The following FBN1 variants were observed in gnomAD, a reference collection of about 807,000 sequenced individuals.
FBN1 encodes fibrillin-1.
A neutral mutation model predicts 365.1 loss-of-function variants in FBN1; 29 were observed. That is an observed-to-expected ratio of 0.08 (90% confidence interval 0.06 to 0.11). The LOEUF (loss-of-function observed/expected upper bound fraction) is 0.11. Ranked by LOEUF, FBN1 falls within the 10% of genes least tolerant of loss-of-function variation. FBN1 has a pLI of 1.00. For synonymous variants in FBN1, 1,210 were observed against 1,270.5 expected (o/e 0.95, Z 1.01); for missense variants, 2,476 against 3,703.2 (o/e 0.67, Z 8.60).
At chr15:48,520,614 A>G in intron 10 of FBN1, 45 bp downstream of exon 10, 1 of 1,609,822 alleles carries the variant, frequency 6.2e-7, no homozygotes, top group Non-Finnish European at 8.5e-7. Flanking sequence ...TGGGCTTGTG[A>G]GGGCTGGGAT....
intron 12 of FBN1, among the ~76,000 whole-genome samples, chr15:48,514,391 C>G (rs2043785120): frequency 6.6e-6 from 1 of 152,140 alleles, no homozygotes; most frequent in Admixed American, 6.5e-5. Flanking sequence ...TGGATGACCT[C>G]TAGAAGGGGT....
At chr15:48,465,494 A>G (rs2141269451) in intron 40 of FBN1, 74 bp downstream of exon 40, 11 of 1,544,896 alleles carry the variant, frequency 7.1e-6, no homozygotes, top group Non-Finnish European at 9.8e-6. Flanking sequence ...CTATTTTCCT[A>G]GTAACCATAT....
At chr15:48,462,272 T>C (rs920151043) in intron 42 of FBN1, among the ~76,000 whole-genome samples, 2 of 152,182 alleles carry the variant, frequency 1.3e-5, no homozygotes, top group Admixed American at 1.3e-4. Context: ...CATCATCATA[T>C]ACATAATGCA....
At position 48,462,983 on chromosome 15, in the gene FBN1, C is replaced by A. The variant is rs775504860; in HGVS notation, c.5224+99G>T. On this transcript the variant is annotated intron_variant, in intron 42 of 65. Coordinates refer to ENST00000316623, the MANE Select transcript of FBN1 (RefSeq NM_000138.5). The stretch of plus-strand genomic sequence containing the variant: ...CCGTTTTTTTCCCTGTAAAGATAAA[C>A]AATGCACACTTTGCTTCCTTCGCTA... 1,369 of 1,178,714 alleles carry A rather than the reference C, an allele frequency of 1.2e-3. 16 individuals are homozygous for A. Among genetic ancestry groups the A allele is most frequent in the Non-Finnish European group, 2.1e-4 (163 of 792,968 alleles). 73.0% of individuals were successfully genotyped at this position (1,178,714 alleles called of 1,614,324 possible). A position where few individuals can be genotyped will look rare whatever the true frequency, so the allele number is the denominator to read the frequency against.
At chr15:48,641,707 G>A (rs1890201561) in intron 2 of FBN1, 1 of 152,156 alleles carries the variant, frequency 6.6e-6, no homozygotes, top group African/African-American at 2.4e-5. Context: ...TCAAAGAGGT[G>A]AGTTTTGAAG....
chr15:48,644,719 T>C lies in FBN1; in HGVS notation c.51A>G (p.Leu17=). The change falls in exon 2 of 66, where the codon TTA becomes TTG. Residue 17 remains leucine, a synonymous_variant. Coordinates refer to ENST00000316623, the MANE Select transcript of FBN1 (RefSeq NM_000138.5). ...LEIALGFTVL[L]ASYTSHGADA... ...CCGCCCCATGGCTCGTGTAGGACGC[T>C]AAAAGCACGGTAAATCCCAGGGCGA... The C allele has an allele frequency of 6.2e-7, 1 of 1,614,024 alleles. No homozygotes were observed. Among genetic ancestry groups the C allele is most frequent in the South Asian group, 1.1e-5 (1 of 91,086 alleles).
intron 35 of FBN1, among the ~76,000 whole-genome samples, chr15:48,471,618 C>T (rs946247994): frequency 6.6e-6 from 1 of 152,210 alleles, no homozygotes; most frequent in African/African-American, 2.4e-5. Flanking sequence ...CCCAACGGTT[C>T]CATAACAAAG....
chr15:48,631,769 T>C (rs1158423072), intron 2 of FBN1, among the ~76,000 whole-genome samples: 2 of 152,188 alleles, frequency 1.3e-5, no homozygotes, highest in African/African-American at 4.8e-5. Flanking sequence ...GGCTACCCAA[T>C]TATAACCAAA....
chr15:48,433,379 G>T (rs1566894935), intron 54 of FBN1, among the ~76,000 whole-genome samples: 1 of 152,084 alleles, frequency 6.6e-6, no homozygotes, highest in Non-Finnish European at 1.5e-5. Context: ...AATCAGTTTT[G>T]CCCCATTCCG....
chr15:48,577,482 G>C (rs1435536971), intron 6 of FBN1, among the ~76,000 whole-genome samples: 2 of 151,988 alleles, frequency 1.3e-5, no homozygotes, highest in East Asian at 1.9e-4. Context: ...TAATTCCAAG[G>C]GGGGGCATTC....
intron 36 of FBN1, 99 bp downstream of exon 36, chr15:48,470,535 T>C: frequency 1.3e-6 from 2 of 1,534,780 alleles, no homozygotes; most frequent in South Asian, 1.1e-5. Context: ...TTGCTTTTCT[T>C]GTCTTCTGTG....
chr15:48,468,583 C>T, intron 36 of FBN1, 49 bp from the exon 37 acceptor site: 1 of 1,608,512 alleles, frequency 6.2e-7, no homozygotes, highest in Non-Finnish European at 8.5e-7. Context: ...CCAGTGTAGG[C>T]AGACATCACC....
At chr15:48,525,596 G>A (rs2043904058) in intron 9 of FBN1, among the ~76,000 whole-genome samples, 1 of 152,156 alleles carries the variant, frequency 6.6e-6, no homozygotes, top group South Asian at 2.1e-4. Context: ...AACACTTGAA[G>A]GATCCACTGG....
chr15:48,511,219 T>C (rs1220200673), intron 13 of FBN1, among the ~76,000 whole-genome samples: 1 of 152,214 alleles, frequency 6.6e-6, no homozygotes, highest in Admixed American at 6.5e-5. Context: ...GGCCCTCAGA[T>C]GCACTTTCTT....
At position 48,589,639 on chromosome 15, in the gene FBN1, C is replaced by T. The variant is rs554235065; in HGVS notation, c.538+6644G>A. On this transcript the variant is annotated intron_variant, in intron 6 of 65. Coordinates refer to ENST00000316623, the MANE Select transcript of FBN1 (RefSeq NM_000138.5). ...TTTTTTTTTTTTTTTTTTGAGATGG[C>T]GTCTCGCTCTGTCGCCCAGGCTGGA... Among the ~76,000 whole-genome samples the T allele has an allele frequency of 1.4e-4, 16 of 114,884 alleles. No individual in the cohort carries two copies. The East Asian group carries it at 2.4e-3, about 17-fold the overall frequency. The allele number at this position is 114,884 out of a possible 152,430, so 75.4% of individuals were successfully genotyped here.
chr15:48,620,770 A>G (rs750038882), intron 2 of FBN1, among the ~76,000 whole-genome samples: 4 of 152,188 alleles, frequency 2.6e-5, no homozygotes, highest in Non-Finnish European at 4.4e-5. Flanking sequence ...ACTGTGTTAG[A>G]TAAGAAATAA....
intron 6 of FBN1, among the ~76,000 whole-genome samples, chr15:48,545,716 T>G (rs2044088768): frequency 6.6e-6 from 1 of 152,190 alleles, no homozygotes; most frequent in South Asian, 2.1e-4. Context: ...TTATGTATAC[T>G]TTAACACAAT....
At position 48,550,341 on chromosome 15, in the gene FBN1, C is replaced by A. The variant is rs73394246; in HGVS notation, c.539-12533G>T. ...CATTAGACTTGCTCCTCCCACACTT[C>A]TTATTTTGGGAAAGGGCATCACCAC... On this transcript the variant is annotated intron_variant, in intron 6 of 65. Transcript: ENST00000316623. 6.1e-3 allele frequency among the ~76,000 whole-genome samples: 922 copies of A among 152,226 alleles called. 9 individuals carry two copies. The highest frequency in any genetic ancestry group is 0.022 in the African/African-American group (900 of 41,542).
intron 25 of FBN1, among the ~76,000 whole-genome samples, 155 bp downstream of exon 25, chr15:48,489,696 C>CA (rs1351724097): frequency 3.3e-5 from 5 of 151,962 alleles, no homozygotes; most frequent in Non-Finnish European, 7.4e-5. Flanking sequence ...CAGTTAAAAA[C>CA]AAAAAGTTCA....
Sources: allele counts gnomAD v4.1 joint callset (sites outside exome capture counted in the v4.1 genomes callset), GRCh38; gene constraint gnomAD v4.1.1; transcripts MANE v1.5; gene names NCBI Gene and HGNC (gene_info 2026-07-23, HGNC 2026-07-21).